The following GTF2A1 variants were observed in gnomAD, a reference collection of about 807,000 sequenced individuals.
The protein encoded by GTF2A1 is transcription initiation factor IIA subunit 1.
Under a neutral mutation model 54.1 loss-of-function variants are expected in GTF2A1, and 12 were observed. The observed-to-expected ratio is 0.22, with a 90% CI of 0.14 to 0.36. The LOEUF (loss-of-function observed/expected upper bound fraction) is 0.36. GTF2A1 is among the 10% of genes least tolerant of loss of function. The pLI is 1.00. For missense variants in GTF2A1, 335 were observed against 442.2 expected (o/e 0.76, Z 2.17); for synonymous variants, 145 against 152.0 (o/e 0.95, Z 0.34).
intron 2 of GTF2A1, chr14:81,204,329 CTTTTT>C (rs543048166): frequency 7.5e-6 from 5 of 669,458 alleles, no homozygotes; most frequent in South Asian, 6.1e-5. Context: ...GATTTTGTTT[CTTTTT>C]TTTATCTTCC....
At position 81,177,830 on chromosome 14, in the gene GTF2A1, T is replaced by C. The variant is rs370857330; in HGVS notation, c.*2393A>G. On this transcript the variant is annotated 3_prime_UTR_variant, in exon 9 of 9. Coordinates refer to ENST00000553612, the MANE Select transcript of GTF2A1 (RefSeq NM_015859.4). ...GTGACATTCTTACAGCAAAAGCTAC[T>C]ATAATAAAACTAAAACATGCTATTT... The C allele has an allele frequency of 3.3e-5, 5 of 152,240 alleles. No individual in the cohort carries two copies. The highest frequency in any genetic ancestry group is 9.6e-5 in the African/African-American group (4 of 41,576). 9.4% of individuals were successfully genotyped at this position (152,240 alleles called of 1,614,324 possible).
In GTF2A1 at chr14:81,205,015, C is replaced by G. The variant is rs184777314; in HGVS notation, c.133-911G>C. 1.1e-3 allele frequency among the ~76,000 whole-genome samples: 175 copies of G among 152,346 alleles called. No individual in the cohort carries two copies. The Middle Eastern group carries it at 0.017, about 15-fold the overall frequency. On this transcript the variant is annotated intron_variant, in intron 2 of 8. Transcript: ENST00000553612. Reference sequence around the variant, plus strand: ...GGATCTACACATACTTTGTCTTCTCCTCCAGGATTTGCTCTTGGCATATTG... The same window carrying G: ...GGATCTACACATACTTTGTCTTCTCGTCCAGGATTTGCTCTTGGCATATTG...
chr14:81,220,664 G>C lies in GTF2A1; in HGVS notation c.-146C>G, dbSNP rs1481637766. 1 of 496,360 alleles carries C rather than the reference G, an allele frequency of 2.0e-6. No homozygotes were observed. Among genetic ancestry groups the C allele is most frequent in the Admixed American group, 3.6e-5 (1 of 27,470 alleles). The allele number at this position is 496,360 out of a possible 1,614,324, so 30.7% of individuals were successfully genotyped here. A position where few individuals can be genotyped will look rare whatever the true frequency, so the allele number is the denominator to read the frequency against. ...AATTTTAAACAAAATCAATCCTGAA[G>C]GAGTAGGGGAGAGCGGAGAGAGGAG... is the stretch of plus-strand genomic sequence containing the variant. On this transcript the variant is annotated 5_prime_UTR_variant, in exon 1 of 9. Coordinates refer to ENST00000553612, the MANE Select transcript of GTF2A1 (RefSeq NM_015859.4).
At chr14:81,202,892 A>C (rs1893144922) in intron 3 of GTF2A1, 1 of 433,176 alleles carries the variant, frequency 2.3e-6, no homozygotes, top group African/African-American at 2.1e-5. Context: ...ATTAGGTATG[A>C]AAAGTACCAC....
In GTF2A1 at chr14:81,178,761, AT is replaced by A. The variant is rs1182918301; in HGVS notation, c.*1461del. On this transcript the variant is annotated 3_prime_UTR_variant, in exon 9 of 9. Transcript: ENST00000553612. ...AAGACAAAAACTGAAGATTAAAAAA[AT>A]ATATCAATATACAAGTAACCTAAAC... The A allele has an allele frequency of 6.6e-6, 1 of 152,260 alleles. No homozygotes were observed. Among genetic ancestry groups the A allele is most frequent in the African/African-American group, 2.4e-5 (1 of 41,460 alleles). The allele number at this position is 152,260 out of a possible 1,614,324, so 9.4% of individuals were successfully genotyped here.
At chr14:81,195,546 G>A (rs1892973765) in intron 6 of GTF2A1, among the ~76,000 whole-genome samples, 1 of 150,350 alleles carries the variant, frequency 6.7e-6, no homozygotes, top group South Asian at 2.1e-4. Flanking sequence ...GCAGGAGAAT[G>A]GCATGAACCC....
intron 2 of GTF2A1, among the ~76,000 whole-genome samples, chr14:81,206,976 A>G (rs966471648): frequency 1.3e-5 from 2 of 152,204 alleles, no homozygotes; most frequent in African/African-American, 2.4e-5. Context: ...AAAATGTTAA[A>G]TACTATTAAT....
intron 6 of GTF2A1, among the ~76,000 whole-genome samples, chr14:81,193,524 T>C (rs1236176832): frequency 2.0e-5 from 3 of 152,186 alleles, no homozygotes; most frequent in Admixed American, 6.5e-5. Flanking sequence ...TTAACTCCTC[T>C]TGGCCTCTGT....
chr14:81,184,355 AC>A (rs1892697614), intron 8 of GTF2A1, among the ~76,000 whole-genome samples: 1 of 152,142 alleles, frequency 6.6e-6, no homozygotes, highest in African/African-American at 2.4e-5. Flanking sequence ...TTTTGTTTTA[AC>A]CTCATAGTCT....
At position 81,220,610 on chromosome 14, in the gene GTF2A1, GACCCAAATC is replaced by G; in HGVS notation, c.-101_-93del. On this transcript the variant is annotated 5_prime_UTR_variant, in exon 1 of 9. Coordinates refer to ENST00000553612, the MANE Select transcript of GTF2A1 (RefSeq NM_015859.4). Reference sequence around the variant, plus strand: ...AAAAAAACTATAACACCCGGAGGGTGACCCAAATCACCGCAAGATTGGGGAAAAAATTTT... The same window carrying G: ...AAAAAAACTATAACACCCGGAGGGTGACCGCAAGATTGGGGAAAAAATTTT... The G allele has an allele frequency of 9.5e-7, 1 of 1,049,086 alleles. No homozygotes were observed. Among genetic ancestry groups the G allele is most frequent in the Non-Finnish European group, 1.4e-6 (1 of 735,898 alleles). The allele number at this position is 1,049,086 out of a possible 1,614,324, so 65.0% of individuals were successfully genotyped here. A position where few individuals can be genotyped will look rare whatever the true frequency, so the allele number is the denominator to read the frequency against.
intron 7 of GTF2A1, among the ~76,000 whole-genome samples, chr14:81,190,348 A>G (rs769681006): frequency 3.3e-5 from 5 of 152,080 alleles, no homozygotes; most frequent in African/African-American, 4.8e-5. Context: ...AAAACCTTGT[A>G]AGAAGAGTAT....
At chr14:81,209,502 A>C (rs1375577145) in intron 2 of GTF2A1, among the ~76,000 whole-genome samples, 1 of 152,172 alleles carries the variant, frequency 6.6e-6, no homozygotes, top group Non-Finnish European at 1.5e-5. Context: ...ACAACCTGGA[A>C]TACTTATTTG....
intron 7 of GTF2A1, among the ~76,000 whole-genome samples, chr14:81,191,171 C>A (rs1324394655): frequency 1.3e-5 from 2 of 152,012 alleles, no homozygotes; most frequent in African/African-American, 4.8e-5. Context: ...ACCAGACCAG[C>A]AAAAATCAGG....
chr14:81,184,088 C>G (rs1892691211), intron 8 of GTF2A1, among the ~76,000 whole-genome samples: 1 of 152,168 alleles, frequency 6.6e-6, no homozygotes, highest in Non-Finnish European at 1.5e-5. Context: ...TAATTTAAAA[C>G]AGTAAAGTAA....
In GTF2A1 at chr14:81,179,271, GCA is replaced by G. The variant is rs1301508725; in HGVS notation, c.*950_*951del. ...CACCACCTGCCCTATGCTAATCAAT[GCA>G]CAGACTGTTAACTGAATGTTTAGCT... is the stretch of plus-strand genomic sequence containing the variant. On this transcript the variant is annotated 3_prime_UTR_variant, in exon 9 of 9. Coordinates refer to ENST00000553612, the MANE Select transcript of GTF2A1 (RefSeq NM_015859.4). The G allele has an allele frequency of 6.6e-6, 1 of 152,166 alleles. No individual in the cohort carries two copies. The highest frequency in any genetic ancestry group is 2.4e-5 in the African/African-American group (1 of 41,442). 9.4% of individuals were successfully genotyped at this position (152,166 alleles called of 1,614,324 possible).
intron 2 of GTF2A1, 46 bp from the exon 3 acceptor site, chr14:81,204,150 G>C (rs942688964): frequency 8.3e-7 from 1 of 1,209,744 alleles, no homozygotes; most frequent in Non-Finnish European, 1.2e-6. Context: ...AATAACTCTG[G>C]ACAGATGAAT....
rs1462797692 is a variant in GTF2A1 at position 81,175,637 on chromosome 14, A to G, written c.*4586T>C. 6.6e-6 allele frequency: 1 copy of G among 152,226 alleles called. No individual in the cohort carries two copies. Among genetic ancestry groups the G allele is most frequent in the African/African-American group, 2.4e-5 (1 of 41,458 alleles). 9.4% of individuals were successfully genotyped at this position (152,226 alleles called of 1,614,324 possible). On this transcript the variant is annotated 3_prime_UTR_variant, in exon 9 of 9. Coordinates refer to ENST00000553612, the MANE Select transcript of GTF2A1 (RefSeq NM_015859.4). ...TATCTTCTAAAATAACACAAAATAT[A>G]TTCAATACGCAATACAAACCTCAGT...
At chr14:81,185,487 T>G (rs1359165417) in intron 8 of GTF2A1, 44 bp downstream of exon 8, 1 of 1,067,710 alleles carries the variant, frequency 9.4e-7, no homozygotes, top group Non-Finnish European at 1.5e-6. Flanking sequence ...AGGGAAGAAA[T>G]TACAACACAA....
chr14:81,195,674 T>C (rs939962328), intron 6 of GTF2A1, among the ~76,000 whole-genome samples: 2 of 150,060 alleles, frequency 1.3e-5, no homozygotes, highest in Non-Finnish European at 3.0e-5. Context: ...TAACAAGAAT[T>C]GGTAGGGCTT....
Sources: allele counts gnomAD v4.1 joint callset (sites outside exome capture counted in the v4.1 genomes callset), GRCh38; gene constraint gnomAD v4.1.1; transcripts MANE v1.5; gene names NCBI Gene and HGNC (gene_info 2026-07-23, HGNC 2026-07-21).